The following GPC3 variants were observed in gnomAD, a reference collection of about 807,000 sequenced individuals.
GPC3 encodes the protein glypican-3.
In GPC3, 3 loss-of-function variants were observed where a neutral mutation model predicts 34.4. The observed-to-expected ratio is 0.09, with a 90% CI of 0.04 to 0.23. The LOEUF is 0.23. Ranked by LOEUF, GPC3 falls within the 10% of genes least tolerant of loss-of-function variation. The pLI is 1.00. For missense variants in GPC3, 351 were observed against 445.6 expected (o/e 0.79, Z 1.91); for synonymous variants, 177 against 174.0 (o/e 1.02, Z -0.13).
chrX:133,674,333 G>T (rs767357122), intron 5 of GPC3, among the ~76,000 whole-genome samples: 1 of 111,793 alleles, frequency 8.9e-6, no homozygotes, highest in Non-Finnish European at 1.9e-5. Flanking sequence ...AACTTAAGAA[G>T]TGGAAGAGTC....
intron 1 of GPC3, among the ~76,000 whole-genome samples, chrX:133,980,529 A>G (rs1464299618): frequency 1.8e-5 from 2 of 112,081 alleles, no homozygotes; most frequent in Non-Finnish European, 3.8e-5. Context: ...ACAAATAACC[A>G]TATGCAGAAA....
At chrX:133,926,803 C>T (rs1230443676) in intron 2 of GPC3, among the ~76,000 whole-genome samples, 1 of 107,942 alleles carries the variant, frequency 9.3e-6, no homozygotes, top group African/African-American at 3.4e-5. Context: ...TGCCACCGCC[C>T]CGGCAAATCG....
At position 133,855,144 on chromosome X, in the gene GPC3, TTTCTC is replaced by T. The variant is rs368580957; in HGVS notation, c.337+97901_337+97905del. 2.3e-3 allele frequency among the ~76,000 whole-genome samples: 261 copies of T among 111,184 alleles called. 1 individual carries two copies. The highest frequency in any genetic ancestry group is 7.4e-3 in the African/African-American group (227 of 30,579). On this transcript the variant is annotated intron_variant, in intron 2 of 7. Transcript: ENST00000370818. Reference sequence around the variant, plus strand: ...TTTGGTGGATATTCCAGATGTTCTTTTTCTCTTCTCTTCTCTTCTCTTGTCTTTTC... The same window carrying T: ...TTTGGTGGATATTCCAGATGTTCTTTTTCTCTTCTCTTCTCTTGTCTTTTC...
chrX:133,570,223 CAG>C (rs2069615536), intron 7 of GPC3, among the ~76,000 whole-genome samples: 1 of 102,012 alleles, frequency 9.8e-6, no homozygotes, highest in Non-Finnish European at 2.0e-5. Context: ...TGTTTTGAAA[CAG>C]AGTTTCATTC....
At chrX:133,572,674 G>A (rs1881763764) in intron 7 of GPC3, among the ~76,000 whole-genome samples, 1 of 111,282 alleles carries the variant, frequency 9.0e-6, no homozygotes, top group Non-Finnish European at 1.9e-5. Context: ...GGATTATAAG[G>A]GAATATTATA....
chrX:133,982,914 A>G (rs1458225882), intron 1 of GPC3, among the ~76,000 whole-genome samples: 1 of 112,386 alleles, frequency 8.9e-6, no homozygotes, highest in Admixed American at 9.4e-5. Flanking sequence ...TTGAAATTAT[A>G]CACTTACCAT....
At chrX:133,555,120 G>A (rs763820924) in intron 7 of GPC3, among the ~76,000 whole-genome samples, 92 of 111,961 alleles carry the variant, frequency 8.2e-4, no homozygotes, top group Admixed American at 2.2e-3. Flanking sequence ...TGCAAACATA[G>A]CTCACTGCAG....
chrX:133,686,463 A>T (rs1474609244), intron 5 of GPC3, among the ~76,000 whole-genome samples: 1 of 112,246 alleles, frequency 8.9e-6, no homozygotes, highest in Non-Finnish European at 1.9e-5. Flanking sequence ...ATAAAATGAT[A>T]AAGTACTGAT....
intron 2 of GPC3, among the ~76,000 whole-genome samples, chrX:133,779,742 T>TAA (rs202015839): frequency 4.8e-4 from 51 of 106,083 alleles, no homozygotes; most frequent in African/African-American, 1.7e-3. Flanking sequence ...TCACTGAAAT[T>TAA]AAAAAAAAAA....
chrX:133,896,080 G>A (rs930345470), intron 2 of GPC3, among the ~76,000 whole-genome samples: 21 of 112,098 alleles, frequency 1.9e-4, no homozygotes, highest in Non-Finnish European at 2.8e-4. Flanking sequence ...AAAATGTCAA[G>A]GCTGGGTGTG....
At chrX:133,596,242 T>G (rs2069913127) in intron 7 of GPC3, 198 bp downstream of exon 7, 1 of 447,300 alleles carries the variant, frequency 2.2e-6, no homozygotes, top group African/African-American at 2.5e-5. Flanking sequence ...CTACCAAAGG[T>G]TGGAAATGGT....
intron 2 of GPC3, among the ~76,000 whole-genome samples, chrX:133,865,799 G>A (rs948974385): frequency 2.9e-4 from 32 of 111,983 alleles, no homozygotes; most frequent in African/African-American, 1.0e-3. Context: ...TCACTGTATT[G>A]TATACCAACA....
At chrX:133,577,989 C>T (rs1350653968) in intron 7 of GPC3, among the ~76,000 whole-genome samples, 6 of 111,908 alleles carry the variant, frequency 5.4e-5, no homozygotes, top group Admixed American at 3.8e-4. Flanking sequence ...TCTTCTTCTT[C>T]TTCTACAAAA....
chrX:133,670,976 C>T (rs773462080), intron 5 of GPC3: 109 of 481,128 alleles, frequency 2.3e-4, no homozygotes, highest in Non-Finnish European at 3.8e-4. Flanking sequence ...CCATCATGAA[C>T]GACACGGTAA....
intron 6 of GPC3, among the ~76,000 whole-genome samples, chrX:133,616,058 G>C (rs1395258319): frequency 2.7e-5 from 3 of 111,242 alleles, no homozygotes; most frequent in Non-Finnish European, 5.7e-5. Context: ...GTTATAGCCA[G>C]GCAATTAGGC....
chrX:133,667,032 G>C (rs2070774879), intron 5 of GPC3, among the ~76,000 whole-genome samples: 2 of 111,382 alleles, frequency 1.8e-5, no homozygotes, highest in South Asian at 7.6e-4. Flanking sequence ...ATTTTATATA[G>C]CAGTTAATTA....
chrX:133,558,764 C>T (rs192873889), intron 7 of GPC3, among the ~76,000 whole-genome samples: 49 of 108,947 alleles, frequency 4.5e-4, no homozygotes, highest in Middle Eastern at 4.7e-3. Context: ...GGTAGCAGGG[C>T]CTGCAATCCC....
intron 4 of GPC3, among the ~76,000 whole-genome samples, chrX:133,698,014 C>T (rs2071132541): frequency 8.9e-6 from 1 of 112,213 alleles, no homozygotes; most frequent in Non-Finnish European, 1.9e-5. Flanking sequence ...GTGACTTTCT[C>T]ACAAGTTAGC....
intron 1 of GPC3, among the ~76,000 whole-genome samples, chrX:133,957,351 C>T (rs2076420976): frequency 8.9e-6 from 1 of 112,470 alleles, no homozygotes; most frequent in Non-Finnish European, 1.9e-5. Context: ...GTAAATTTCA[C>T]AGACCAGCTT....
Sources: allele counts gnomAD v4.1 joint callset (sites outside exome capture counted in the v4.1 genomes callset), GRCh38; gene constraint gnomAD v4.1.1; transcripts MANE v1.5; gene names NCBI Gene and HGNC (gene_info 2026-07-23, HGNC 2026-07-21).